EDEM2: variants seen among roughly 807,000 people sequenced by gnomAD.
EDEM2 encodes ER degradation enhancing alpha-mannosidase like protein 2, also known as ER degradation-enhancing alpha-mannosidase-like protein 2.
Under a neutral mutation model 64.8 loss-of-function variants are expected in EDEM2, and 39 were observed. The observed-to-expected ratio is 0.60, with a 90% confidence interval of 0.47 to 0.79. The LOEUF (loss-of-function observed/expected upper bound fraction) is 0.79, where lower values mean the gene tolerates loss of function less well. Ranked by LOEUF, EDEM2 falls within the 30% of genes least tolerant of loss-of-function variation. The pLI, the probability that EDEM2 is intolerant of heterozygous loss-of-function variation, is 0.00. For synonymous variants in EDEM2, 296 were observed against 291.5 expected (o/e 1.02, Z -0.16); for missense variants, 609 against 731.3 (o/e 0.83, Z 1.93).
At chr20:35,132,708 T>G (rs2085521938) in intron 6 of EDEM2, among the ~76,000 whole-genome samples, 1 of 152,186 alleles carries the variant, frequency 6.6e-6, no homozygotes, top group Non-Finnish European at 1.5e-5. Context: ...ATTTTATTTT[T>G]TGTATTTTTA....
chr20:35,137,466 A>C (rs1281156080), intron 5 of EDEM2, among the ~76,000 whole-genome samples: 4 of 152,090 alleles, frequency 2.6e-5, no homozygotes, highest in Non-Finnish European at 5.9e-5. Context: ...CTTGGTCACG[A>C]TGTTGGCTGG....
At chr20:35,141,148 A>C (rs963756583) in intron 4 of EDEM2, among the ~76,000 whole-genome samples, 2 of 151,308 alleles carry the variant, frequency 1.3e-5, no homozygotes, top group East Asian at 1.9e-4. Flanking sequence ...AAAAAAAAGA[A>C]GACGGCACAG....
intron 7 of EDEM2, among the ~76,000 whole-genome samples, chr20:35,130,405 G>C (rs943293131): frequency 6.6e-6 from 1 of 152,126 alleles, no homozygotes; most frequent in Non-Finnish European, 1.5e-5. Flanking sequence ...CATGGGAAGA[G>C]ATTAACAACA....
At chr20:35,139,937 ACTT>A (rs2085630530) in intron 4 of EDEM2, among the ~76,000 whole-genome samples, 5 of 152,294 alleles carry the variant, frequency 3.3e-5, no homozygotes, top group South Asian at 4.1e-4. Flanking sequence ...TTGACAGATT[ACTT>A]CTTAACAATA....
At chr20:35,142,045 G>A (rs1428478871) in intron 4 of EDEM2, among the ~76,000 whole-genome samples, 3 of 152,206 alleles carry the variant, frequency 2.0e-5, no homozygotes, top group Non-Finnish European at 4.4e-5. Flanking sequence ...GGATTGGACA[G>A]ACAATAAGTT....
intron 6 of EDEM2, among the ~76,000 whole-genome samples, chr20:35,133,624 G>C (rs973845069): frequency 6.6e-6 from 1 of 151,922 alleles, no homozygotes; most frequent in African/African-American, 2.4e-5. Context: ...GCACCACCAC[G>C]CCCGGCTAAT....
chr20:35,144,152 T>G (rs1025663924), intron 3 of EDEM2, among the ~76,000 whole-genome samples: 1 of 148,104 alleles, frequency 6.8e-6, no homozygotes, highest in African/African-American at 2.5e-5. Flanking sequence ...CAAGCAGTCC[T>G]GCCGCCTTGG....
At position 35,131,788 on chromosome 20, in the gene EDEM2, G is replaced by C; in HGVS notation, c.703-5C>G. On this transcript the variant is annotated splice_region_variant and splice_polypyrimidine_tract_variant and intron_variant, in intron 6 of 10. Transcript: ENST00000374492. The stretch of plus-strand genomic sequence containing the variant: ...CACATCAATGTGGTTGCCGACCTGA[G>C]AGAGAGAAAGACACACGGTCCCAAC... The C allele has an allele frequency of 1.2e-6, 2 of 1,613,262 alleles. No individual in the cohort carries two copies. The highest frequency in any genetic ancestry group is 1.7e-6 in the Non-Finnish European group (2 of 1,179,504).
intron 6 of EDEM2, chr20:35,134,274 C>A: frequency 2.6e-6 from 1 of 383,208 alleles, no homozygotes; most frequent in Non-Finnish European, 5.1e-6. Flanking sequence ...TCTGACTCTC[C>A]AAAAAAGGGG....
At chr20:35,127,619 T>C (rs914128876) in intron 7 of EDEM2, among the ~76,000 whole-genome samples, 1 of 152,354 alleles carries the variant, frequency 6.6e-6, no homozygotes, top group Non-Finnish European at 1.5e-5. Flanking sequence ...GTAAGGATTA[T>C]ATGAAACAGT....
chr20:35,146,756 C>T, intron 2 of EDEM2, 69 bp downstream of exon 2: 1 of 1,545,098 alleles, frequency 6.5e-7, no homozygotes, highest in Non-Finnish European at 8.8e-7. Flanking sequence ...CCACCAGCCC[C>T]AGCTGACCCG....
At chr20:35,138,061 A>G in intron 4 of EDEM2, 56 bp from the exon 5 acceptor site, 1 of 1,599,990 alleles carries the variant, frequency 6.3e-7, no homozygotes, top group Non-Finnish European at 8.5e-7. Context: ...CCAAGGGATC[A>G]AGGATCTTTC....
chr20:35,138,192 G>C (rs986404109), intron 4 of EDEM2, among the ~76,000 whole-genome samples, 187 bp from the exon 5 acceptor site: 12 of 152,184 alleles, frequency 7.9e-5, no homozygotes, highest in Non-Finnish European at 1.3e-4. Flanking sequence ...TGGCTCACTG[G>C]GAAGGAGCTA....
At chr20:35,141,452 G>A (rs372006672) in intron 4 of EDEM2, among the ~76,000 whole-genome samples, 2 of 152,276 alleles carry the variant, frequency 1.3e-5, no homozygotes. Context: ...GGGAGACATA[G>A]CAGCAAGTAC....
rs1274820397 is a variant in EDEM2 at position 35,128,392 on chromosome 20, T to TAAAAAC, written c.845-2023_845-2018dup. ...AGCAAGACTCTGTCTCCAAAAAAAA[T>TAAAAAC]AAAAACAAAAACAAAAATTAGCTGG... On this transcript the variant is annotated intron_variant, in intron 7 of 10. Transcript: ENST00000374492. Among the ~76,000 whole-genome samples, 29 of 133,114 alleles carry TAAAAAC rather than the reference T, an allele frequency of 2.2e-4. 1 individual carries two copies. Among genetic ancestry groups the TAAAAAC allele is most frequent in the Non-Finnish European group, 1.3e-4 (8 of 61,950 alleles). The allele number at this position is 133,114 out of a possible 152,430, so 87.3% of individuals were successfully genotyped here. A position where few individuals can be genotyped will look rare whatever the true frequency, so the allele number is the denominator to read the frequency against.
Position 35,118,682 on chromosome 20 carries a change from C to G in EDEM2, c.1152G>C (p.Thr384=), listed in dbSNP as rs377343828. The change falls in exon 10 of 11, where the codon ACG becomes ACC. Residue 384 remains threonine (T), a synonymous_variant. Coordinates refer to ENST00000374492, the MANE Select transcript of EDEM2 (RefSeq NM_018217.3). ...CGAGTTCTAGGAGGGTGGGATCCCC[C>G]GTGGCACGGTAGAGGTACATTGCGC... is the stretch of plus-strand genomic sequence containing the variant. The part of the protein sequence containing the change: ...IESAMYLYRA[T]GDPTLLELGR... The G allele has an allele frequency of 1.2e-6, 2 of 1,613,254 alleles. No individual in the cohort carries two copies. The highest frequency in any genetic ancestry group is 1.1e-5 in the South Asian group (1 of 91,042).
At chr20:35,139,494 CA>C (rs1303297680) in intron 4 of EDEM2, among the ~76,000 whole-genome samples, 98 of 150,628 alleles carry the variant, frequency 6.5e-4, no homozygotes, top group Non-Finnish European at 9.7e-4. Flanking sequence ...ATTAAAAATA[CA>C]AAAAATTAGC....
chr20:35,134,989 G>A (rs1213519591), intron 5 of EDEM2, 40 bp from the exon 6 acceptor site: 3 of 1,597,292 alleles, frequency 1.9e-6, no homozygotes, highest in Non-Finnish European at 2.6e-6. Flanking sequence ...CAGGAGCAGG[G>A]GGATAGGGAT....
intron 6 of EDEM2, among the ~76,000 whole-genome samples, chr20:35,132,082 T>C (rs1488687799): frequency 6.6e-6 from 1 of 152,162 alleles, no homozygotes; most frequent in Non-Finnish European, 1.5e-5. Flanking sequence ...GAGTGTGAGA[T>C]GGGAGATGAG....
Sources: gnomAD v4.1 joint callset for allele counts (sites outside exome capture counted in the v4.1 genomes callset) on GRCh38, gnomAD v4.1.1 for gene constraint, MANE v1.5 for transcripts, NCBI Gene and HGNC (gene_info 2026-07-23, HGNC 2026-07-21) for gene names.